The following CAMKMT variants were observed in gnomAD, a reference collection of about 807,000 sequenced individuals.
CAMKMT encodes calmodulin-lysine N-methyltransferase.
Under a neutral mutation model 48.0 loss-of-function variants are expected in CAMKMT, and 53 were observed. The observed-to-expected ratio is 1.10, with a 90% CI of 0.89 to 1.39. The LOEUF (loss-of-function observed/expected upper bound fraction) is 1.39. Ranked by LOEUF, CAMKMT falls within the 40% of genes most tolerant of loss-of-function variation. The pLI is 0.00. For missense variants in CAMKMT, 428 were observed against 402.7 expected (o/e 1.06, Z -0.54); for synonymous variants, 165 against 152.3 (o/e 1.08, Z -0.61).
chr2:44,587,942 G>A (rs1392155539), intron 3 of CAMKMT, among the ~76,000 whole-genome samples: 2 of 110,762 alleles, frequency 1.8e-5, no homozygotes, highest in Non-Finnish European at 4.0e-5. Flanking sequence ...GTCCCCCATC[G>A]TCTGGGATAT....
chr2:44,634,891 A>G (rs1275055782), intron 3 of CAMKMT, among the ~76,000 whole-genome samples: 3 of 151,972 alleles, frequency 2.0e-5, no homozygotes, highest in African/African-American at 4.8e-5. Flanking sequence ...AGCTAGTTTC[A>G]TTAATTAATC....
chr2:44,626,125 T>C (rs1183126019), intron 3 of CAMKMT, among the ~76,000 whole-genome samples: 4 of 152,206 alleles, frequency 2.6e-5, no homozygotes, highest in Non-Finnish European at 5.9e-5. Flanking sequence ...AATTCACATC[T>C]TAATAATATT....
chr2:44,518,634 C>T (rs899885415), intron 3 of CAMKMT, among the ~76,000 whole-genome samples: 1 of 151,966 alleles, frequency 6.6e-6, no homozygotes, highest in African/African-American at 2.4e-5. Flanking sequence ...TTTTAAAAAC[C>T]GAAGATATGT....
intron 3 of CAMKMT, among the ~76,000 whole-genome samples, chr2:44,629,433 CTTTTTTTTTT>C: frequency 8.0e-6 from 1 of 125,322 alleles, no homozygotes; most frequent in East Asian, 2.2e-4. Context: ...TTCTTTCTTT[CTTTTTTTTTT>C]TTTTTTTTTT....
intron 3 of CAMKMT, among the ~76,000 whole-genome samples, chr2:44,423,898 T>A (rs1361186185): frequency 6.6e-6 from 1 of 152,212 alleles, no homozygotes; most frequent in African/African-American, 2.4e-5. Context: ...TAAAAATATG[T>A]TTATCATGGT....
At position 44,378,471 on chromosome 2, in the gene CAMKMT, A is replaced by AGTTT. The variant is rs71393268; in HGVS notation, c.311+5620_311+5623dup. 7.3e-3 allele frequency among the ~76,000 whole-genome samples: 1,098 copies of AGTTT among 150,870 alleles called. 5 individuals are homozygous for AGTTT. Among genetic ancestry groups the AGTTT allele is most frequent in the East Asian group, 0.015 (75 of 5,088 alleles). Reference sequence around the variant, plus strand: ...AAGAACTCCAAAGCATCTAGAATTAAGTTTGTTTGTTTGTTTGTTTGTTTG... The same window carrying AGTTT: ...AAGAACTCCAAAGCATCTAGAATTAAGTTTGTTTGTTTGTTTGTTTGTTTGTTTG... On this transcript the variant is annotated intron_variant, in intron 2 of 10. Transcript: ENST00000378494.
At chr2:44,411,054 G>A (rs548596369) in intron 3 of CAMKMT, among the ~76,000 whole-genome samples, 29 of 152,166 alleles carry the variant, frequency 1.9e-4, no homozygotes, top group African/African-American at 7.0e-4. Flanking sequence ...ATCAGAAATG[G>A]CCTTTACTGT....
intron 3 of CAMKMT, among the ~76,000 whole-genome samples, chr2:44,592,179 A>G (rs1324958855): frequency 6.6e-6 from 1 of 152,036 alleles, no homozygotes; most frequent in African/African-American, 2.4e-5. Context: ...TAACCTGAAT[A>G]TTGTGCACAT....
chr2:44,414,978 AC>A (rs1558593782), intron 3 of CAMKMT, among the ~76,000 whole-genome samples: 2 of 151,992 alleles, frequency 1.3e-5, no homozygotes, highest in Non-Finnish European at 2.9e-5. Context: ...ACATGGTAAA[AC>A]CCCATCTCTA....
At chr2:44,391,460 G>A (rs544700970) in intron 3 of CAMKMT, among the ~76,000 whole-genome samples, 1 of 152,052 alleles carries the variant, frequency 6.6e-6, no homozygotes, top group South Asian at 2.1e-4. Context: ...CTCCCACTTA[G>A]GTGTATCTCA....
intron 3 of CAMKMT, among the ~76,000 whole-genome samples, chr2:44,520,093 C>G (rs1266766526): frequency 6.6e-6 from 1 of 151,342 alleles, no homozygotes; most frequent in Non-Finnish European, 1.5e-5. Context: ...GTGGTGGGCA[C>G]CTGTGGTCCC....
chr2:44,380,825 C>G (rs1680163720), intron 2 of CAMKMT, among the ~76,000 whole-genome samples: 1 of 151,972 alleles, frequency 6.6e-6, no homozygotes, highest in African/African-American at 2.4e-5. Flanking sequence ...CACTGCCTAC[C>G]CCCTTAAAAA....
At chr2:44,758,570 C>T (rs541645518) in intron 9 of CAMKMT, among the ~76,000 whole-genome samples, 86 of 152,264 alleles carry the variant, frequency 5.6e-4, no homozygotes, top group Admixed American at 9.8e-4. Context: ...CTCCAGCAAA[C>T]TTAATAGATG....
intron 3 of CAMKMT, among the ~76,000 whole-genome samples, chr2:44,571,334 T>G (rs1332941851): frequency 2.0e-5 from 3 of 152,148 alleles, no homozygotes; most frequent in Non-Finnish European, 4.4e-5. Context: ...CCTTAAAACT[T>G]GAGAGAAGGA....
intron 1 of CAMKMT, 31 bp from the exon 2 acceptor site, chr2:44,372,685 C>T (rs751080201): frequency 6.3e-7 from 1 of 1,595,840 alleles, no homozygotes; most frequent in Middle Eastern, 1.7e-4. Context: ...GTTTAGATAA[C>T]ATGACTGCAA....
chr2:44,372,315 C>T (rs1679255294), intron 1 of CAMKMT, among the ~76,000 whole-genome samples: 1 of 152,044 alleles, frequency 6.6e-6, no homozygotes, highest in Non-Finnish European at 1.5e-5. Context: ...GAGACCCCAT[C>T]TCTACAAAAA....
chr2:44,537,874 C>T (rs955628856), intron 3 of CAMKMT, among the ~76,000 whole-genome samples: 1 of 152,084 alleles, frequency 6.6e-6, no homozygotes, highest in Non-Finnish European at 1.5e-5. Context: ...ATTAGTACAA[C>T]CTCTATGGAA....
At chr2:44,469,427 A>G (rs936223026) in intron 3 of CAMKMT, among the ~76,000 whole-genome samples, 4 of 151,952 alleles carry the variant, frequency 2.6e-5, no homozygotes, top group African/African-American at 9.7e-5. Flanking sequence ...TGCCCTTTCA[A>G]TGCGTAGCTT....
intron 3 of CAMKMT, among the ~76,000 whole-genome samples, chr2:44,394,731 C>T (rs1681669538): frequency 6.6e-6 from 1 of 152,226 alleles, no homozygotes; most frequent in South Asian, 2.1e-4. Context: ...CCTGACCTGA[C>T]CAGGATTTTT....
Sources: gnomAD v4.1 joint callset for allele counts (sites outside exome capture counted in the v4.1 genomes callset) on GRCh38, gnomAD v4.1.1 for gene constraint, MANE v1.5 for transcripts, NCBI Gene and HGNC (gene_info 2026-07-23, HGNC 2026-07-21) for gene names.